Variants in SERGEF observed in about 807,000 individuals in gnomAD.
SERGEF encodes the protein secretion-regulating guanine nucleotide exchange factor.
A neutral mutation model predicts 50.0 loss-of-function variants in SERGEF; 51 were observed. The ratio of observed to expected loss-of-function variants is 1.02; its 90% CI spans 0.81 to 1.29. The LOEUF is 1.29. SERGEF is among the 50% of genes most tolerant of loss of function. SERGEF has a pLI of 0.00. For synonymous variants in SERGEF, 205 were observed against 212.4 expected (o/e 0.97, Z 0.30); for missense variants, 521 against 557.0 (o/e 0.94, Z 0.65).
intron 8 of SERGEF, among the ~76,000 whole-genome samples, chr11:17,959,853 G>A (rs1189296644): frequency 6.6e-6 from 1 of 152,184 alleles, no homozygotes; most frequent in Non-Finnish European, 1.5e-5. Flanking sequence ...CAAATAAGCT[G>A]TGAGTACCAG....
At chr11:17,857,390 AT>A in intron 10 of SERGEF, among the ~76,000 whole-genome samples, 1 of 152,146 alleles carries the variant, frequency 6.6e-6, no homozygotes, top group Non-Finnish European at 1.5e-5. Context: ...ATCAGCTAAG[AT>A]TTTGCTTCTC....
At chr11:17,804,186 T>A (rs1197362111) in intron 10 of SERGEF, among the ~76,000 whole-genome samples, 1 of 152,246 alleles carries the variant, frequency 6.6e-6, no homozygotes, top group Non-Finnish European at 1.5e-5. Flanking sequence ...AGAGTCCTGA[T>A]GCCCATCCTA....
At chr11:17,935,531 G>A (rs1380023070) in intron 9 of SERGEF, among the ~76,000 whole-genome samples, 1 of 152,052 alleles carries the variant, frequency 6.6e-6, no homozygotes, top group Non-Finnish European at 1.5e-5. Flanking sequence ...TTTAGAGCTG[G>A]ACAGAACCTT....
intron 10 of SERGEF, among the ~76,000 whole-genome samples, chr11:17,877,654 C>A (rs1368372384): frequency 1.3e-5 from 2 of 152,182 alleles, no homozygotes; most frequent in African/African-American, 4.8e-5. Flanking sequence ...GAGAAGCCTT[C>A]TTGAATGAAT....
At position 17,812,357 on chromosome 11, in the gene SERGEF, T is replaced by C. The variant is rs1849891876; in HGVS notation, c.1049-23944A>G. 2.0e-5 allele frequency among the ~76,000 whole-genome samples: 3 copies of C among 152,346 alleles called. No individual in the cohort carries two copies. The South Asian group carries it at 6.2e-4, about 32-fold the overall frequency. On this transcript the variant is annotated intron_variant, in intron 10 of 10. Coordinates refer to ENST00000265965, the MANE Select transcript of SERGEF (RefSeq NM_012139.4). ...CCAGGGGCCCATGGGCCTCCCCTCCTGCTGTATACTCCTCTAAGAGCTGCC... is the reference window on the plus strand; with the variant it reads ...CCAGGGGCCCATGGGCCTCCCCTCCCGCTGTATACTCCTCTAAGAGCTGCC...
At chr11:17,790,003 A>G (rs917931958) in intron 10 of SERGEF, among the ~76,000 whole-genome samples, 5 of 152,220 alleles carry the variant, frequency 3.3e-5, no homozygotes, top group Non-Finnish European at 7.3e-5. Flanking sequence ...ACAAACAAAA[A>G]AGTAAATTAA....
intron 9 of SERGEF, among the ~76,000 whole-genome samples, chr11:17,958,583 G>A (rs1041846305): frequency 3.3e-5 from 5 of 152,060 alleles, no homozygotes; most frequent in African/African-American, 1.2e-4. Flanking sequence ...AAATAAACAC[G>A]AGTATAAAAT....
At chr11:17,792,832 A>G (rs1313077629) in intron 10 of SERGEF, among the ~76,000 whole-genome samples, 1 of 152,168 alleles carries the variant, frequency 6.6e-6, no homozygotes, top group Non-Finnish European at 1.5e-5. Context: ...CTTATTCTAT[A>G]AGGGGCAGAT....
At chr11:17,904,089 A>T (rs766830575) in intron 9 of SERGEF, among the ~76,000 whole-genome samples, 40 of 152,192 alleles carry the variant, frequency 2.6e-4, no homozygotes, top group Non-Finnish European at 2.9e-5. Flanking sequence ...AGGGATTGGG[A>T]TAGTAGCAAA....
intron 10 of SERGEF, among the ~76,000 whole-genome samples, chr11:17,801,748 C>G (rs578228161): frequency 2.6e-4 from 39 of 152,278 alleles, no homozygotes; most frequent in African/African-American, 9.1e-4. Flanking sequence ...AACCTGAGAC[C>G]TGGGAAACCG....
chr11:17,930,970 A>G (rs909480007), intron 9 of SERGEF, among the ~76,000 whole-genome samples: 1 of 152,158 alleles, frequency 6.6e-6, no homozygotes, highest in Admixed American at 6.5e-5. Flanking sequence ...CACTGCAGAA[A>G]AAATGGTCAT....
In SERGEF at chr11:17,992,988, C is replaced by G; in HGVS notation, c.628G>C (p.Glu210Gln). 2 of 1,613,828 alleles carry G rather than the reference C, an allele frequency of 1.2e-6. No homozygotes were observed. The highest frequency in any genetic ancestry group is 8.5e-7 in the Non-Finnish European group (1 of 1,179,752). ...AKEPSRVTGL[E>Q]NSKAMCVLAG... is the part of the protein sequence containing the mutation. ...AGAACACACATTGCTTTAGAATTCT[C>G]TAGACCTACAAAAGAAAAAATGTTC... The change falls in exon 7 of 11, where the codon GAG (glutamate) becomes CAG (glutamine). Residue 210 changes from glutamate (E) to glutamine (Q), a missense_variant. Coordinates refer to ENST00000265965, the MANE Select transcript of SERGEF (RefSeq NM_012139.4).
At chr11:17,961,728 C>A (rs1256551495) in intron 8 of SERGEF, among the ~76,000 whole-genome samples, 1 of 152,204 alleles carries the variant, frequency 6.6e-6, no homozygotes, top group South Asian at 2.1e-4. Context: ...AGGCCATAGA[C>A]ATTCTGGTTA....
chr11:17,848,594 C>A (rs1029909459), intron 10 of SERGEF, among the ~76,000 whole-genome samples: 14 of 152,158 alleles, frequency 9.2e-5, no homozygotes, highest in Non-Finnish European at 2.1e-4. Flanking sequence ...TTTTACATGA[C>A]CAATGCTGCA....
rs1851561959 is a variant in SERGEF at position 17,893,150 on chromosome 11, AT to A, written c.1012-14907del. Among the ~76,000 whole-genome samples the A allele has an allele frequency of 2.6e-5, 4 of 152,114 alleles. No individual in the cohort carries two copies. The South Asian group carries it at 8.3e-4, about 32-fold the overall frequency. ...GCCAGTTCCTGGATGCCAGGGAATGATTTTCTCTTTATCTGTACAGAACCTT... is the reference window on the plus strand; with the variant it reads ...GCCAGTTCCTGGATGCCAGGGAATGATTTCTCTTTATCTGTACAGAACCTT... On this transcript the variant is annotated intron_variant, in intron 9 of 10. Coordinates refer to ENST00000265965, the MANE Select transcript of SERGEF (RefSeq NM_012139.4).
intron 10 of SERGEF, among the ~76,000 whole-genome samples, chr11:17,791,543 T>A (rs1486442110): frequency 6.6e-6 from 1 of 152,240 alleles, no homozygotes; most frequent in African/African-American, 2.4e-5. Flanking sequence ...ATAATTACAA[T>A]GTTTATCAGA....
In SERGEF at chr11:18,000,584, A is replaced by G; in HGVS notation, c.448-27T>C. 3.3e-6 allele frequency: 5 copies of G among 1,514,910 alleles called. No homozygotes were observed. In the South Asian group the frequency reaches 6.1e-5, roughly 18 times the overall value. The allele number at this position is 1,514,910 out of a possible 1,614,324, so 93.8% of individuals were successfully genotyped here. ...TGTCAAAATAAAGAAAAGGATTTAG[A>G]TCTCAGAACCATCCATCTACAAAAT... On this transcript the variant is annotated intron_variant, in intron 4 of 10. Transcript: ENST00000265965.
At chr11:17,973,085 A>C (rs1485798872) in intron 8 of SERGEF, among the ~76,000 whole-genome samples, 2 of 152,120 alleles carry the variant, frequency 1.3e-5, no homozygotes, top group Non-Finnish European at 2.9e-5. Context: ...GATGACTCAC[A>C]GTACCCAAGC....
Position 17,952,631 on chromosome 11 carries a change from C to T in SERGEF, c.1011+6839G>A, listed in dbSNP as rs555876749. ...TTACAAAACAAACAGTAACCAATCT[C>T]TCTATTCAAGGTACTGGGCTTGTTT... On this transcript the variant is annotated intron_variant, in intron 9 of 10. Coordinates refer to ENST00000265965, the MANE Select transcript of SERGEF (RefSeq NM_012139.4). Among the ~76,000 whole-genome samples the T allele has an allele frequency of 7.9e-5, 12 of 152,302 alleles. No homozygotes were observed. In the South Asian group the frequency reaches 2.5e-3, roughly 32 times the overall value.
Sources: gnomAD v4.1 joint callset for allele counts (sites outside exome capture counted in the v4.1 genomes callset) on GRCh38, gnomAD v4.1.1 for gene constraint, MANE v1.5 for transcripts, NCBI Gene and HGNC (gene_info 2026-07-23, HGNC 2026-07-21) for gene names.